PLD1: variants seen among roughly 807,000 people sequenced by gnomAD.
PLD1 encodes the protein choline phosphatase 1.
In PLD1, 112 loss-of-function variants were observed where a neutral mutation model predicts 137.1. That is an observed-to-expected ratio of 0.82 (90% CI 0.70 to 0.96). The LOEUF (loss-of-function observed/expected upper bound fraction) is 0.96. Ranked by LOEUF, PLD1 falls within the 40% of genes least tolerant of loss-of-function variation. The pLI is 0.00. For synonymous variants in PLD1, 431 were observed against 454.7 expected, an observed-to-expected ratio of 0.95 and a Z score of 0.66; for missense variants, 1,321 against 1,342.0, an observed-to-expected ratio of 0.98 and a Z score of 0.24.
At chr3:171,779,404 T>G (rs1722702940) in intron 1 of PLD1, among the ~76,000 whole-genome samples, 4 of 152,154 alleles carry the variant, frequency 2.6e-5, no homozygotes, top group Admixed American at 2.6e-4. Context: ...AAGACTCATA[T>G]GAGTAACAGG....
At chr3:171,770,342 C>A (rs73176175) in intron 1 of PLD1, among the ~76,000 whole-genome samples, 3 of 152,100 alleles carry the variant, frequency 2.0e-5, no homozygotes, top group Non-Finnish European at 4.4e-5. Flanking sequence ...TGAGGCATTC[C>A]AGAAAAGTGC....
chr3:171,736,958 G>A (rs1483383498), intron 3 of PLD1, among the ~76,000 whole-genome samples: 9 of 152,196 alleles, frequency 5.9e-5, no homozygotes, highest in Non-Finnish European at 5.9e-5. Context: ...CCTTTTCAGC[G>A]TTCAGTGAAA....
rs1381560429 is a variant in PLD1, at chr3:171,660,347, C to T, written c.2341-1046G>A. On this transcript the variant is annotated intron_variant, in intron 20 of 26. Transcript: ENST00000351298. ...CATCAGACAATCAAAATCTCATTGG[C>T]AACCAAACCATGTTTCTTTTTCTGA... 2.6e-5 allele frequency among the ~76,000 whole-genome samples: 4 copies of T among 152,294 alleles called. No individual in the cohort carries two copies. In the East Asian group the frequency reaches 7.7e-4, roughly 29 times the overall value.
At chr3:171,754,902 T>C (rs1381877321) in intron 1 of PLD1, among the ~76,000 whole-genome samples, 2 of 152,152 alleles carry the variant, frequency 1.3e-5, no homozygotes, top group Non-Finnish European at 2.9e-5. Context: ...AGGCAACTTT[T>C]ATCCAAGGTC....
Position 171,620,551 on chromosome 3 carries a change from AAT to A in PLD1, c.2594-33_2594-32del, listed in dbSNP as rs766677896. On this transcript the variant is annotated intron_variant, in intron 23 of 26. Coordinates refer to ENST00000351298, the MANE Select transcript of PLD1 (RefSeq NM_002662.5). ...AATTTAAAAAGAAATTATTAAAATT[AAT>A]ATGACCAAGCTCAATAAACGTACAT... 3 of 1,362,828 alleles carry A rather than the reference AAT, an allele frequency of 2.2e-6. No homozygotes were observed. In the African/African-American group the frequency reaches 4.3e-5, roughly 20 times the overall value. The allele number at this position is 1,362,828 out of a possible 1,614,324, so 84.4% of individuals were successfully genotyped here. A position where few individuals can be genotyped will look rare whatever the true frequency, so the allele number is the denominator to read the frequency against.
intron 11 of PLD1, among the ~76,000 whole-genome samples, chr3:171,704,458 G>GAAAAA (rs34861885): frequency 2.1e-5 from 2 of 95,228 alleles, no homozygotes; most frequent in Non-Finnish European, 4.6e-5. Flanking sequence ...AAAGAACCAG[G>GAAAAA]AAAAAAAAAA....
chr3:171,636,693 G>T (rs924655608), intron 23 of PLD1, among the ~76,000 whole-genome samples: 22 of 151,786 alleles, frequency 1.4e-4, no homozygotes, highest in Non-Finnish European at 2.6e-4. Flanking sequence ...CTGCATACAA[G>T]ATCATGTCAT....
chr3:171,764,867 GAAAGAAAGAAAGAAAGA>G (rs1560288167), intron 1 of PLD1, among the ~76,000 whole-genome samples: 4 of 24,222 alleles, frequency 1.7e-4, no homozygotes, highest in Admixed American at 1.0e-3. Flanking sequence ...AAGAAAGAAA[GAAAGAAAGAAAGAAAGA>G]AAGAAAGAAA....
chr3:171,719,247 C>T (rs1379509975), intron 8 of PLD1, among the ~76,000 whole-genome samples: 1 of 152,234 alleles, frequency 6.6e-6, no homozygotes, highest in Non-Finnish European at 1.5e-5. Context: ...TCCACCATCC[C>T]TGCCTCATCA....
chr3:171,709,831 G>A, intron 9 of PLD1, 122 bp from the exon 10 acceptor site: 1 of 753,970 alleles, frequency 1.3e-6, no homozygotes, highest in Non-Finnish European at 2.1e-6. Context: ...CAAGAAAGCA[G>A]GCATTTAACA....
At chr3:171,736,479 A>G (rs115993096) in intron 3 of PLD1, among the ~76,000 whole-genome samples, 37 of 152,328 alleles carry the variant, frequency 2.4e-4, no homozygotes, top group Non-Finnish European at 5.3e-4. Flanking sequence ...AGCTCATCTT[A>G]GAGACATTTC....
At chr3:171,683,694 C>T (rs1036674549) in intron 16 of PLD1, among the ~76,000 whole-genome samples, 19 of 152,200 alleles carry the variant, frequency 1.2e-4, no homozygotes, top group Admixed American at 6.5e-4. Context: ...ATAATTATCA[C>T]CACCTGAAAT....
At chr3:171,693,045 A>C (rs1367832573) in intron 12 of PLD1, among the ~76,000 whole-genome samples, 2 of 152,222 alleles carry the variant, frequency 1.3e-5, no homozygotes, top group African/African-American at 4.8e-5. Context: ...ACCCAAATTC[A>C]ATTGATTCAT....
intron 23 of PLD1, among the ~76,000 whole-genome samples, chr3:171,639,848 C>CTCTCTCTCTCTCTCTATATATATATA (rs3050415): frequency 9.1e-6 from 1 of 110,214 alleles, no homozygotes; most frequent in African/African-American, 3.9e-5. Flanking sequence ...CTCTCTCTCT[C>CTCTCTCTCTCTCTCTATATATATATA]TATATATATA....
At chr3:171,617,010 T>C (rs1392207) in intron 24 of PLD1, among the ~76,000 whole-genome samples, 11,889 of 152,168 alleles carry the variant, frequency 0.078, 1,318 homozygotes, top group African/African-American at 0.25. Flanking sequence ...TTCTCAGCTC[T>C]GACCACATAT....
At chr3:171,770,879 A>C in intron 1 of PLD1, among the ~76,000 whole-genome samples, 1 of 132,034 alleles carries the variant, frequency 7.6e-6, no homozygotes, top group South Asian at 2.6e-4. Flanking sequence ...ACAGAGCAAA[A>C]CCCTATCTCA....
At chr3:171,630,882 G>T (rs1734603621) in intron 23 of PLD1, among the ~76,000 whole-genome samples, 1 of 113,834 alleles carries the variant, frequency 8.8e-6, no homozygotes, top group African/African-American at 3.3e-5. Flanking sequence ...GGGGAGGGGG[G>T]AGGGATAGCC....
intron 1 of PLD1, among the ~76,000 whole-genome samples, chr3:171,749,625 C>A (rs1430894249): frequency 6.6e-6 from 1 of 152,176 alleles, no homozygotes; most frequent in Non-Finnish European, 1.5e-5. Flanking sequence ...AAAGAAACAG[C>A]ATTGTTTTTG....
intron 1 of PLD1, among the ~76,000 whole-genome samples, chr3:171,769,570 A>C (rs902211917): frequency 1.5e-4 from 23 of 152,250 alleles, no homozygotes; most frequent in African/African-American, 5.3e-4. Context: ...CTTACTGTTA[A>C]AGAAAATATC....
Sources: gnomAD v4.1 joint callset for allele counts (sites outside exome capture counted in the v4.1 genomes callset) on GRCh38, gnomAD v4.1.1 for gene constraint, MANE v1.5 for transcripts, NCBI Gene and HGNC (gene_info 2026-07-23, HGNC 2026-07-21) for gene names.